Variants in UNC5C observed in about 807,000 individuals in gnomAD.
UNC5C encodes the protein unc-5 netrin receptor C.
In UNC5C, 47 loss-of-function variants were observed where a neutral mutation model predicts 99.8. The observed-to-expected ratio is 0.47, with a 90% CI of 0.37 to 0.60. The LOEUF is 0.60. Among genes scored for constraint, UNC5C ranks in the 20% least tolerant of loss-of-function variants. The pLI is 0.00. For missense variants in UNC5C, 1,062 were observed against 1,165.9 expected (o/e 0.91, Z 1.30); for synonymous variants, 487 against 452.2 (o/e 1.08, Z -0.98).
At chr4:95,258,743 A>G (rs867603709) in intron 4 of UNC5C, among the ~76,000 whole-genome samples, 1 of 85,868 alleles carries the variant, frequency 1.2e-5, no homozygotes, top group African/African-American at 3.8e-5. Context: ...CGACCATCTT[A>G]TTCTTTTTTT....
intron 1 of UNC5C, among the ~76,000 whole-genome samples, chr4:95,451,731 T>C (rs1747283792): frequency 6.6e-6 from 1 of 152,206 alleles, no homozygotes; most frequent in South Asian, 2.1e-4. Context: ...AGAAAGCAAC[T>C]ATATTTTTCA....
At chr4:95,174,130 CT>C (rs1394459232) in intron 14 of UNC5C, among the ~76,000 whole-genome samples, 1 of 151,186 alleles carries the variant, frequency 6.6e-6, no homozygotes, top group African/African-American at 2.4e-5. Flanking sequence ...ATTCTTCTCT[CT>C]TTTTTTCTTT....
rs1220375544 is a variant in UNC5C, at chr4:95,162,534, G to A, written c.*6700C>T. ...TGCTTATAAATATAATTTATTACCTGTTTAAAAATTCTTTCTTACATTTTG... is the reference window on the plus strand; with the variant it reads ...TGCTTATAAATATAATTTATTACCTATTTAAAAATTCTTTCTTACATTTTG... On this transcript the variant is annotated 3_prime_UTR_variant, in exon 16 of 16. Transcript: ENST00000453304. 1 of 152,108 alleles carries A rather than the reference G, an allele frequency of 6.6e-6. No individual in the cohort carries two copies. The highest frequency in any genetic ancestry group is 2.4e-5 in the African/African-American group (1 of 41,394). The allele number at this position is 152,108 out of a possible 1,614,324, so 9.4% of individuals were successfully genotyped here. A position where few individuals can be genotyped will look rare whatever the true frequency, so the allele number is the denominator to read the frequency against.
rs778560643 is a variant in UNC5C at position 95,169,381 on chromosome 4, G to A, written c.2649C>T (p.Ala883=). 1.2e-6 allele frequency: 2 copies of A among 1,614,002 alleles called. No homozygotes were observed. The highest frequency in any genetic ancestry group is 2.7e-5 in the African/African-American group (2 of 74,928). Reference sequence around the variant, plus strand: ...TTACGCCAGTTGGGCTGGATTTGGTGGCAAAGTAATTCAAGTACCTGTAAT... The same window carrying A: ...TTACGCCAGTTGGGCTGGATTTGGTAGCAAAGTAATTCAAGTACCTGTAAT... ...LNLDRYLNYF[A]TKSSPTGVIL... The change falls in exon 16 of 16, where the codon GCC becomes GCT. Residue 883 remains alanine, a synonymous_variant. Coordinates refer to ENST00000453304, the MANE Select transcript of UNC5C (RefSeq NM_003728.4).
chr4:95,227,154 TA>T (rs1425155280), intron 7 of UNC5C, among the ~76,000 whole-genome samples: 21 of 135,776 alleles, frequency 1.5e-4, no homozygotes, highest in Middle Eastern at 3.6e-3. Flanking sequence ...TTTTTTTTTT[TA>T]AATATTTATT....
At chr4:95,249,549 A>G (rs1039426689) in intron 5 of UNC5C, among the ~76,000 whole-genome samples, 3 of 152,236 alleles carry the variant, frequency 2.0e-5, no homozygotes, top group African/African-American at 7.2e-5. Context: ...TATATAGACC[A>G]GTCTCTCAGT....
At chr4:95,548,477 C>CG (rs1723135316) in intron 1 of UNC5C, among the ~76,000 whole-genome samples, 1 of 152,022 alleles carries the variant, frequency 6.6e-6, no homozygotes, top group African/African-American at 2.4e-5. Flanking sequence ...GGAGACGGAT[C>CG]GGCTGCGTGT....
rs1392938369 is a variant in UNC5C at position 95,234,471 on chromosome 4, C to T, written c.1108+7958G>A. On this transcript the variant is annotated intron_variant, in intron 7 of 15. Transcript: ENST00000453304. ...ATACATGTGCCACGTTCGTGTGCTG[C>T]ACCCAATTAACTCGTCATTTAACTT... Among the ~76,000 whole-genome samples the T allele has an allele frequency of 3.3e-5, 5 of 152,162 alleles. No homozygotes were observed. The East Asian group carries it at 9.6e-4, about 29-fold the overall frequency.
chr4:95,476,759 T>G (rs918240425), intron 1 of UNC5C, among the ~76,000 whole-genome samples: 1 of 151,904 alleles, frequency 6.6e-6, no homozygotes, highest in Non-Finnish European at 1.5e-5. Context: ...TTGTCCATTT[T>G]TTTTGCTTGT....
intron 4 of UNC5C, among the ~76,000 whole-genome samples, chr4:95,272,001 C>G (rs1740682873): frequency 6.6e-6 from 1 of 152,182 alleles, no homozygotes; most frequent in East Asian, 1.9e-4. Flanking sequence ...TTACTCAGAT[C>G]TTTTCAAGAC....
rs1722224527 is a variant in UNC5C, at chr4:95,516,497, CA to C, written c.124+32236del. On this transcript the variant is annotated intron_variant, in intron 1 of 15. Transcript: ENST00000453304. ...GAAGCTGGGCTGACTTTTCAGATTA[CA>C]AAGACCAAATTCCCTGTTTTCGGAG... 5.3e-5 allele frequency among the ~76,000 whole-genome samples: 8 copies of C among 152,284 alleles called. No individual in the cohort carries two copies. The South Asian group carries it at 1.7e-3, about 32-fold the overall frequency.
intron 10 of UNC5C, among the ~76,000 whole-genome samples, chr4:95,215,268 G>A (rs1331225128): frequency 3.9e-5 from 6 of 152,230 alleles, no homozygotes; most frequent in African/African-American, 1.4e-4. Flanking sequence ...CTGAGGAGCC[G>A]ATGCTCTTCC....
At chr4:95,451,484 T>C (rs1462877678) in intron 1 of UNC5C, among the ~76,000 whole-genome samples, 1 of 152,220 alleles carries the variant, frequency 6.6e-6, no homozygotes, top group East Asian at 1.9e-4. Context: ...AATAGTGATA[T>C]AGTAATAACC....
chr4:95,264,482 G>A (rs1740365736), intron 4 of UNC5C, among the ~76,000 whole-genome samples: 1 of 152,000 alleles, frequency 6.6e-6, no homozygotes, highest in Non-Finnish European at 1.5e-5. Context: ...TAGTCCAAAA[G>A]ATATCAACTC....
chr4:95,462,843 G>A (rs1033213050), intron 1 of UNC5C, among the ~76,000 whole-genome samples: 1 of 152,112 alleles, frequency 6.6e-6, no homozygotes, highest in Non-Finnish European at 1.5e-5. Context: ...CTTTGATTAA[G>A]GTAGACAGGC....
At chr4:95,203,803 T>TTGTG (rs60717573) in intron 11 of UNC5C, among the ~76,000 whole-genome samples, 8 of 151,600 alleles carry the variant, frequency 5.3e-5, no homozygotes, top group South Asian at 2.1e-4. Flanking sequence ...GGATTTCATA[T>TTGTG]TGTGTGTGTG....
In UNC5C at chr4:95,279,873, G is replaced by T. The variant is rs183804022; in HGVS notation, c.491-1511C>A. Reference sequence around the variant, plus strand: ...CACTGACTGCTGGGGCGGGGCATGGGGGGGATGGCTTTGGGATGAAACTGT... The same window carrying T: ...CACTGACTGCTGGGGCGGGGCATGGTGGGGATGGCTTTGGGATGAAACTGT... On this transcript the variant is annotated intron_variant, in intron 3 of 15. Coordinates refer to ENST00000453304, the MANE Select transcript of UNC5C (RefSeq NM_003728.4). 4.6e-5 allele frequency among the ~76,000 whole-genome samples: 7 copies of T among 152,258 alleles called. No homozygotes were observed. In the East Asian group the frequency reaches 7.7e-4, roughly 17 times the overall value.
At chr4:95,547,400 C>T (rs1362504406) in intron 1 of UNC5C, among the ~76,000 whole-genome samples, 3 of 152,164 alleles carry the variant, frequency 2.0e-5, no homozygotes, top group South Asian at 2.1e-4. Flanking sequence ...CCCATCCCCA[C>T]CCCCAGCGCC....
chr4:95,215,206 A>G (rs1293435689), intron 10 of UNC5C, among the ~76,000 whole-genome samples: 1 of 152,238 alleles, frequency 6.6e-6, no homozygotes, highest in Non-Finnish European at 1.5e-5. Flanking sequence ...ATGTGTTATA[A>G]TGATAACCTA....
Sources: allele counts gnomAD v4.1 joint callset (sites outside exome capture counted in the v4.1 genomes callset), GRCh38; gene constraint gnomAD v4.1.1; transcripts MANE v1.5; gene names NCBI Gene and HGNC (gene_info 2026-07-23, HGNC 2026-07-21).